KCNQ2: variants seen among roughly 807,000 people sequenced by gnomAD.
KCNQ2 encodes potassium voltage-gated channel subfamily Q member 2.
In KCNQ2, 14 loss-of-function variants were observed where a neutral mutation model predicts 84.8. The observed-to-expected ratio is 0.17, with a 90% CI of 0.11 to 0.26. The LOEUF (loss-of-function observed/expected upper bound fraction) is 0.26. Among genes scored for constraint, KCNQ2 ranks in the 10% least tolerant of loss-of-function variants. The pLI is 1.00. For synonymous variants in KCNQ2, 599 were observed against 554.1 expected, an observed-to-expected ratio of 1.08 and a Z score of -1.14; for missense variants, 788 against 1,254.0, an observed-to-expected ratio of 0.63 and a Z score of 5.61.
At chr20:63,444,597 G>T in intron 4 of KCNQ2, 62 bp downstream of exon 4, 1 of 1,402,516 alleles carries the variant, frequency 7.1e-7, no homozygotes, top group Non-Finnish European at 9.4e-7. Context: ...GTGGGGCCCG[G>T]TCTGGGCCAG....
At position 63,445,303 on chromosome 20, in the gene KCNQ2, C is replaced by A; in HGVS notation, c.449G>T (p.Cys150Phe). ...CCTCCAGCCACGGTACCGGCAGCAG[C>A]AGCCTGCGGCCCAGATCCGCACGAA... ...EYFVRIWAAG[C>F]CCRYRGWRGR... The change falls in exon 3 of 17, where the codon TGC becomes TTC. Residue 150 changes from cysteine to phenylalanine, a missense_variant. Around this residue, in one of 8 missense-constraint regions of KCNQ2, gnomAD observed 106 missense variants for 214.8 expected, o/e 0.49. Transcript: ENST00000359125. 3.7e-6 allele frequency: 6 copies of A among 1,613,820 alleles called. No individual in the cohort carries two copies. Among genetic ancestry groups the A allele is most frequent in the Non-Finnish European group, 5.1e-6 (6 of 1,180,012 alleles).
Position 63,438,480 on chromosome 20 carries a change from G to A in KCNQ2, c.1023+145C>T, listed in dbSNP as rs2081067976. On this transcript the variant is annotated intron_variant, in intron 7 of 16. Coordinates refer to ENST00000359125, the MANE Select transcript of KCNQ2 (RefSeq NM_172107.4). This position sits in a 1 kb window ranked among gnomAD's most constrained non-coding sequence, Gnocchi z 5.1. Reference sequence around the variant, plus strand: ...CTCAACACACACACTTCACATCCTCGCTCCTTCCACAGATTCCTGCAGAGG... The same window carrying A: ...CTCAACACACACACTTCACATCCTCACTCCTTCCACAGATTCCTGCAGAGG... The A allele has an allele frequency of 1.3e-5, 10 of 742,990 alleles. No individual in the cohort carries two copies. Among genetic ancestry groups the A allele is most frequent in the South Asian group, 1.0e-4 (7 of 69,460 alleles). The allele number at this position is 742,990 out of a possible 1,614,324, so 46.0% of individuals were successfully genotyped here.
At position 63,408,610 on chromosome 20, in the gene KCNQ2, A is replaced by G; in HGVS notation, c.1764-74T>C. ...GGCCCCTGCCCTCTCCTCCTGGACC[A>G]GGCCACAGTGCCCCTGGGTCTAGGC... On this transcript the variant is annotated intron_variant, in intron 15 of 16. Transcript: ENST00000359125. The surrounding 1 kb of genome is among the most constrained non-coding windows in gnomAD (Gnocchi z 5.0). 2 of 1,574,880 alleles carry G rather than the reference A, an allele frequency of 1.3e-6. No individual in the cohort carries two copies. The highest frequency in any genetic ancestry group is 1.7e-6 in the Non-Finnish European group (2 of 1,164,192).
rs1314711750 is a variant in KCNQ2 at position 63,407,291 on chromosome 20, A to C, written c.1972T>G (p.Tyr658Asp). The C allele has an allele frequency of 6.3e-7, 1 of 1,595,380 alleles. No individual in the cohort carries two copies. Among genetic ancestry groups the C allele is most frequent in the South Asian group, 1.1e-5 (1 of 90,976 alleles). The change falls in exon 17 of 17, where the codon TAC becomes GAC. Residue 658 changes from tyrosine (Y) to aspartate (D), a missense_variant. Transcript: ENST00000359125. This position sits in a 1 kb window ranked among gnomAD's most constrained non-coding sequence, Gnocchi z 7.2. The part of the protein sequence containing the change: ...MGIPPTETEA[Y>D]FGAKEPEPAP... Reference sequence around the variant, plus strand: ...GGCTCCGGCTCTTTGGCCCCAAAGTAGGCCTCGGTCTCTGTCGGGGGGATG... The same window carrying C: ...GGCTCCGGCTCTTTGGCCCCAAAGTCGGCCTCGGTCTCTGTCGGGGGGATG...
At chr20:63,455,220 C>T (rs1396014005) in intron 1 of KCNQ2, among the ~76,000 whole-genome samples, 2 of 152,160 alleles carry the variant, frequency 1.3e-5, no homozygotes, top group African/African-American at 2.4e-5. Context: ...CAAAGGGTTT[C>T]GAAGCTAATT....
Position 63,472,418 on chromosome 20 carries a change from C to G in KCNQ2, c.46G>C (p.Gly16Arg), listed in dbSNP as rs776118228. The G allele has an allele frequency of 1.3e-6, 2 of 1,538,598 alleles. No homozygotes were observed. Among genetic ancestry groups the G allele is most frequent in the East Asian group, 2.5e-5 (1 of 39,820 alleles). ...AAGCCCACCTTCAGCTTCTTCTCCC[C>G]GCTCGGGCCGGGGTATACGCCGCCG... is the stretch of plus-strand genomic sequence containing the variant. ...RNGGVYPGPS[G>R]EKKLKVGFVG... The change falls in exon 1 of 17, where the codon GGG becomes CGG. Residue 16 changes from glycine to arginine, a missense_variant. Gly to Arg is a moderately radical substitution (Grantham distance 125). Coordinates refer to ENST00000359125, the MANE Select transcript of KCNQ2 (RefSeq NM_172107.4).
chr20:63,438,148 G>A lies in KCNQ2; in HGVS notation c.1023+477C>T. The A allele has an allele frequency of 5.1e-6, 1 of 195,334 alleles. No individual in the cohort carries two copies. Among genetic ancestry groups the A allele is most frequent in the South Asian group, 9.9e-5 (1 of 10,106 alleles). The allele number at this position is 195,334 out of a possible 1,614,324, so 12.1% of individuals were successfully genotyped here. ...TTTCAAGGTGGCTCAGGAATTACTT[G>A]TGGATGCCACAGTGGTCACTGCACG... On this transcript the variant is annotated intron_variant, in intron 7 of 16. Transcript: ENST00000359125. This position sits in a 1 kb window ranked among gnomAD's most constrained non-coding sequence, Gnocchi z 5.1.
chr20:63,414,118 G>T lies in KCNQ2; in HGVS notation c.1601C>A (p.Pro534Gln). 3.7e-6 allele frequency: 6 copies of T among 1,613,572 alleles called. No individual in the cohort carries two copies. The highest frequency in any genetic ancestry group is 2.2e-5 in the East Asian group (1 of 44,868). ...GGCTCTGATGCTGACTTTGAGGCCC[G>T]GGGTCAGGTCCTCGGTCACAAACTC... is the stretch of plus-strand genomic sequence containing the variant. Reference protein sequence around the residue: ...PCEFVTEDLTPGLKVSIRAVC... With the variant: ...PCEFVTEDLTQGLKVSIRAVC... The change falls in exon 14 of 17, where the codon CCG becomes CAG. Residue 534 changes from proline to glutamine, a missense_variant. By Grantham distance (76) the Pro-to-Gln change is moderately conservative. Around this residue, in one of 8 missense-constraint regions of KCNQ2, gnomAD observed 202 missense variants for 239.4 expected, o/e 0.84. Transcript: ENST00000359125. The surrounding 1 kb of genome is among the most constrained non-coding windows in gnomAD (Gnocchi z 6.6).
chr20:63,415,780 C>T (rs1056727353), intron 12 of KCNQ2, among the ~76,000 whole-genome samples: 1 of 152,198 alleles, frequency 6.6e-6, no homozygotes, highest in African/African-American at 2.4e-5. Context: ...CTTCCTCGGG[C>T]ACCTCTGTCT....
chr20:63,430,928 G>A (rs920992430), intron 9 of KCNQ2, among the ~76,000 whole-genome samples: 4 of 152,242 alleles, frequency 2.6e-5, no homozygotes, highest in Admixed American at 2.6e-4. Flanking sequence ...GCCAGGGCAG[G>A]GGAAGCCCCC....
chr20:63,419,682 A>C lies in KCNQ2; in HGVS notation c.1248-10T>G, dbSNP rs1049810851. The stretch of plus-strand genomic sequence containing the variant: ...GCACGGGCTGCCTTTACTGGAAATG[A>C]GGAGAGCACAGTTAGTCCTGGGCGC... On this transcript the variant is annotated splice_polypyrimidine_tract_variant and intron_variant, in intron 11 of 16. Transcript: ENST00000359125. 3.7e-6 allele frequency: 6 copies of C among 1,608,300 alleles called. No individual in the cohort carries two copies. The highest frequency in any genetic ancestry group is 5.1e-6 in the Non-Finnish European group (6 of 1,178,322).
chr20:63,408,630 C>A lies in KCNQ2; in HGVS notation c.1764-94G>T. On this transcript the variant is annotated intron_variant, in intron 15 of 16. Coordinates refer to ENST00000359125, the MANE Select transcript of KCNQ2 (RefSeq NM_172107.4). The surrounding 1 kb of genome is among the most constrained non-coding windows in gnomAD (Gnocchi z 5.0). The stretch of plus-strand genomic sequence containing the variant: ...GGACCAGGCCACAGTGCCCCTGGGT[C>A]TAGGCTGCAGGCTCAGCCCAGAGCC... 6.5e-7 allele frequency: 1 copy of A among 1,550,286 alleles called. No homozygotes were observed. The highest frequency in any genetic ancestry group is 1.2e-5 in the South Asian group (1 of 84,776).
In KCNQ2 at chr20:63,428,324, G is replaced by A. The variant is rs1205765331; in HGVS notation, c.1217+43C>T. The A allele has an allele frequency of 8.8e-6, 13 of 1,471,674 alleles. No individual in the cohort carries two copies. The East Asian group carries it at 2.9e-4, about 33-fold the overall frequency. 91.2% of individuals were successfully genotyped at this position (1,471,674 alleles called of 1,614,324 possible). ...TGTGGGCAGCTGGGGCCCCCAGGAG[G>A]ACTGAGACGCCCACCCGCCCCACCT... On this transcript the variant is annotated intron_variant, in intron 10 of 16. Coordinates refer to ENST00000359125, the MANE Select transcript of KCNQ2 (RefSeq NM_172107.4).
At chr20:63,465,224 C>T (rs6011840) in intron 1 of KCNQ2, among the ~76,000 whole-genome samples, 1 of 152,238 alleles carries the variant, frequency 6.6e-6, no homozygotes, top group Admixed American at 6.5e-5. Flanking sequence ...CCCATCCCAG[C>T]TTCAGAAAAC....
chr20:63,466,302 G>A (rs1314547192), intron 1 of KCNQ2: 4 of 152,030 alleles, frequency 2.6e-5, no homozygotes, highest in East Asian at 3.9e-4. Context: ...TCCCACGCTC[G>A]AGCCGGGGCC....
intron 1 of KCNQ2, among the ~76,000 whole-genome samples, chr20:63,456,299 C>T (rs533234170): frequency 9.2e-5 from 14 of 152,322 alleles, no homozygotes; most frequent in African/African-American, 3.4e-4. Flanking sequence ...CCGCTCCTCA[C>T]TCGCTTCATG....
chr20:63,428,178 G>A (rs1442954375), intron 10 of KCNQ2, among the ~76,000 whole-genome samples, 189 bp downstream of exon 10: 1 of 152,142 alleles, frequency 6.6e-6, no homozygotes, highest in African/African-American at 2.4e-5. Context: ...GCCCCTCTGG[G>A]GGTGGGAGCC....
chr20:63,444,650 G>A lies in KCNQ2; in HGVS notation c.690+9C>T, dbSNP rs369881492. On this transcript the variant is annotated intron_variant, in intron 4 of 16. Coordinates refer to ENST00000359125, the MANE Select transcript of KCNQ2 (RefSeq NM_172107.4). ...GGCGCCCACCGCCAGCCTTGGGGCC[G>A]TGACTCACCTTGCTGTGGGCATAGA... 36 of 1,542,770 alleles carry A rather than the reference G, an allele frequency of 2.3e-5. No homozygotes were observed. The highest frequency in any genetic ancestry group is 4.8e-5 in the East Asian group (2 of 42,088).
intron 5 of KCNQ2, among the ~76,000 whole-genome samples, chr20:63,440,589 C>T (rs555594438): frequency 2.0e-5 from 3 of 152,288 alleles, no homozygotes; most frequent in Non-Finnish European, 2.9e-5. Context: ...GATAAACAGA[C>T]AGAGGGATCG....
Sources: gnomAD v4.1 joint callset for allele counts (sites outside exome capture counted in the v4.1 genomes callset) on GRCh38, gnomAD v4.1.1 for gene constraint, gnomAD v4.1.1 regional missense constraint, Gnocchi (gnomAD v3.1) non-coding constraint, MANE v1.5 for transcripts, NCBI Gene and HGNC (gene_info 2026-07-23, HGNC 2026-07-21) for gene names.